TMX3: variants seen among roughly 807,000 people sequenced by gnomAD.
TMX3 encodes protein disulfide-isomerase TMX3.
Under a neutral mutation model 64.4 loss-of-function variants are expected in TMX3, and 40 were observed. The ratio of observed to expected loss-of-function variants is 0.62; its 90% CI spans 0.48 to 0.81. The LOEUF is 0.81. Ranked by LOEUF, TMX3 falls within the 30% of genes least tolerant of loss-of-function variation. The pLI is 0.00. For missense variants in TMX3, 497 were observed against 534.5 expected (o/e 0.93, Z 0.69); for synonymous variants, 189 against 175.7 (o/e 1.08, Z -0.60).
At chr18:68,677,251 A>G (rs1055703176) in intron 15 of TMX3, 58 bp from the exon 16 acceptor site, 8 of 1,532,806 alleles carry the variant, frequency 5.2e-6, no homozygotes, top group African/African-American at 1.4e-5. Context: ...TATATATAGC[A>G]TGAAATGAAC....
At chr18:68,679,554 T>A (rs1913226613) in intron 14 of TMX3, 23 bp from the exon 15 acceptor site, 2 of 1,597,210 alleles carry the variant, frequency 1.3e-6, no homozygotes, top group Non-Finnish European at 1.7e-6. Context: ...AAAAGAAAAA[T>A]AAATTATTTA....
At chr18:68,714,850 G>C in intron 1 of TMX3, 86 bp downstream of exon 1, 2 of 1,523,228 alleles carry the variant, frequency 1.3e-6, no homozygotes, top group South Asian at 1.2e-5. Flanking sequence ...CGCAGGCCTC[G>C]CCCCAGACCC....
At chr18:68,705,145 C>T (rs1015119157) in intron 4 of TMX3, among the ~76,000 whole-genome samples, 2 of 152,022 alleles carry the variant, frequency 1.3e-5, no homozygotes, top group South Asian at 2.1e-4. Context: ...TGGGAGAGAA[C>T]ACAACTGGTA....
At chr18:68,683,048 GCTCATTAA>G in intron 12 of TMX3, 67 bp from the exon 13 acceptor site, 1 of 1,402,450 alleles carries the variant, frequency 7.1e-7, no homozygotes, top group Non-Finnish European at 1.0e-6. Context: ...GAGAGAGAAA[GCTCATTAA>G]ATAGTAAAAA....
chr18:68,676,010 C>T lies in TMX3; in HGVS notation c.*923G>A, dbSNP rs375015296. ...GTCTGTGGGTGCATACGTACGTATT[C>T]TAGAGTAGAAGTTACCATAAAGTTC... On this transcript the variant is annotated 3_prime_UTR_variant, in exon 16 of 16. Coordinates refer to ENST00000299608, the MANE Select transcript of TMX3 (RefSeq NM_019022.5). 3.9e-5 allele frequency: 6 copies of T among 152,108 alleles called. No individual in the cohort carries two copies. Among genetic ancestry groups the T allele is most frequent in the African/African-American group, 1.4e-4 (6 of 41,500 alleles). The allele number at this position is 152,108 out of a possible 1,614,324, so 9.4% of individuals were successfully genotyped here.
At chr18:68,710,706 AG>A in intron 3 of TMX3, among the ~76,000 whole-genome samples, 1 of 152,324 alleles carries the variant, frequency 6.6e-6, no homozygotes, top group East Asian at 1.9e-4. Context: ...GGTGATACTC[AG>A]GTTCCCCTAA....
rs183368886 is a variant in TMX3, at chr18:68,707,060, G to A, written c.265+2961C>T. The stretch of plus-strand genomic sequence containing the variant: ...CAAGAATATAAGTTCCATAAGACTA[G>A]AAAGTTTAATCTGTTTTGCTCAATG... On this transcript the variant is annotated intron_variant, in intron 4 of 15. Coordinates refer to ENST00000299608, the MANE Select transcript of TMX3 (RefSeq NM_019022.5). Among the ~76,000 whole-genome samples the A allele has an allele frequency of 7.2e-5, 11 of 152,318 alleles. No individual in the cohort carries two copies. The East Asian group carries it at 2.1e-3, about 29-fold the overall frequency.
At chr18:68,701,824 T>A (rs750247037) in intron 4 of TMX3, 34 bp from the exon 5 acceptor site, 25 of 1,590,370 alleles carry the variant, frequency 1.6e-5, no homozygotes, top group Non-Finnish European at 2.1e-5. Context: ...ATTCTAAATT[T>A]TTTTTAAATA....
Position 68,676,660 on chromosome 18 carries a change from A to G in TMX3, c.*273T>C. 2.7e-6 allele frequency: 1 copy of G among 371,424 alleles called. No individual in the cohort carries two copies. Among genetic ancestry groups the G allele is most frequent in the Non-Finnish European group, 4.8e-6 (1 of 207,396 alleles). The allele number at this position is 371,424 out of a possible 1,614,324, so 23.0% of individuals were successfully genotyped here. On this transcript the variant is annotated 3_prime_UTR_variant, in exon 16 of 16. Coordinates refer to ENST00000299608, the MANE Select transcript of TMX3 (RefSeq NM_019022.5). ...ACTTTTTGTCACAGAATATTCAGAT[A>G]GAGAAACATGCAAATAGAATTGTTC...
intron 15 of TMX3, among the ~76,000 whole-genome samples, chr18:68,677,597 C>G (rs113258239): frequency 6.6e-6 from 1 of 152,122 alleles, no homozygotes; most frequent in Admixed American, 6.6e-5. Flanking sequence ...AAAGAAGGTA[C>G]ACACATACTC....
At chr18:68,691,174 G>T in intron 9 of TMX3, 121 bp downstream of exon 9, 2 of 555,124 alleles carry the variant, frequency 3.6e-6, no homozygotes, top group Non-Finnish European at 5.8e-6. Flanking sequence ...AGGCATTCAA[G>T]TCATGAGAAC....
At chr18:68,678,720 A>T (rs1237678187) in intron 15 of TMX3, among the ~76,000 whole-genome samples, 1 of 152,152 alleles carries the variant, frequency 6.6e-6, no homozygotes, top group Non-Finnish European at 1.5e-5. Flanking sequence ...TTTAGAAAGT[A>T]TAATTATAAA....
chr18:68,691,948 CA>C (rs1362913201), intron 8 of TMX3, among the ~76,000 whole-genome samples: 6 of 151,630 alleles, frequency 4.0e-5, no homozygotes, highest in Admixed American at 2.0e-4. Flanking sequence ...GAGTAAGCCA[CA>C]AAGAATTATT....
intron 10 of TMX3, chr18:68,687,102 T>G: frequency 6.1e-6 from 6 of 983,444 alleles, no homozygotes; most frequent in Non-Finnish European, 7.2e-6. Flanking sequence ...ATTTCTCATT[T>G]CTAATTTGCT....
At position 68,689,734 on chromosome 18, in the gene TMX3, C is replaced by A. The variant is rs182041156; in HGVS notation, c.637+1561G>T. On this transcript the variant is annotated intron_variant, in intron 9 of 15. Transcript: ENST00000299608. Reference sequence around the variant, plus strand: ...AGTTTCTCTGAAGTTCTTTTATAAGCCCAACGTCTAATACAGACATTCAAT... The same window carrying A: ...AGTTTCTCTGAAGTTCTTTTATAAGACCAACGTCTAATACAGACATTCAAT... 3.3e-5 allele frequency: 5 copies of A among 152,242 alleles called. No homozygotes were observed. In the East Asian group the frequency reaches 9.6e-4, roughly 29 times the overall value. The allele number at this position is 152,242 out of a possible 1,614,324, so 9.4% of individuals were successfully genotyped here.
intron 9 of TMX3, among the ~76,000 whole-genome samples, chr18:68,690,721 G>T (rs1415101386): frequency 1.3e-5 from 2 of 152,184 alleles, no homozygotes. Flanking sequence ...GTCATGATGG[G>T]CAAAGATCTT....
rs1485173427 is a variant in TMX3, at chr18:68,673,794, C to T, written c.*3139G>A. ...GTTAGTAATGCAGACTTTCAAAAAC[C>T]TCTATAGATTAGTCCAAAGTAGAAA... is the stretch of plus-strand genomic sequence containing the variant. On this transcript the variant is annotated 3_prime_UTR_variant, in exon 16 of 16. Transcript: ENST00000299608. 1 of 152,038 alleles carries T rather than the reference C, an allele frequency of 6.6e-6. No individual in the cohort carries two copies. The highest frequency in any genetic ancestry group is 1.5e-5 in the Non-Finnish European group (1 of 67,998). The allele number at this position is 152,038 out of a possible 1,614,324, so 9.4% of individuals were successfully genotyped here.
At chr18:68,696,881 C>CACAT (rs1568191927) in intron 8 of TMX3, 1 of 174,992 alleles carries the variant, frequency 5.7e-6, no homozygotes. Flanking sequence ...ATCTGCAACA[C>CACAT]ACACACACAC....
chr18:68,682,266 G>A (rs1424822759), intron 13 of TMX3, among the ~76,000 whole-genome samples: 2 of 152,176 alleles, frequency 1.3e-5, no homozygotes, highest in East Asian at 1.9e-4. Context: ...ACTGAATAGA[G>A]TGGCTTCTTG....
Sources: gnomAD v4.1 joint callset for allele counts (sites outside exome capture counted in the v4.1 genomes callset) on GRCh38, gnomAD v4.1.1 for gene constraint, MANE v1.5 for transcripts, NCBI Gene and HGNC (gene_info 2026-07-23, HGNC 2026-07-21) for gene names.